CDH13: variants seen among roughly 807,000 people sequenced by gnomAD.
The protein encoded by CDH13 is cadherin-13.
CDH13 carries 24 observed loss-of-function variants against 63.8 expected under a neutral mutation model. The ratio of observed to expected loss-of-function variants is 0.38; its 90% CI spans 0.27 to 0.53. The LOEUF is 0.53. CDH13 is among the 20% of genes least tolerant of loss of function. The pLI is 0.85. For missense variants in CDH13, 1,049 were observed against 903.1 expected, an observed-to-expected ratio of 1.16 and a Z score of -2.07; for synonymous variants, 503 against 355.3, an observed-to-expected ratio of 1.42 and a Z score of -4.67.
At chr16:83,215,271 G>A (rs1446186970) in intron 4 of CDH13, among the ~76,000 whole-genome samples, 3 of 151,530 alleles carry the variant, frequency 2.0e-5, no homozygotes, top group African/African-American at 7.3e-5. Flanking sequence ...TAGAGACGGA[G>A]TTTCACCATG....
chr16:83,101,807 T>C (rs1005527814), intron 3 of CDH13, among the ~76,000 whole-genome samples: 1 of 151,726 alleles, frequency 6.6e-6, no homozygotes, highest in Non-Finnish European at 1.5e-5. Context: ...AAGGAAATAG[T>C]GGGTAGAGTG....
intron 1 of CDH13, among the ~76,000 whole-genome samples, chr16:82,791,186 G>C (rs1371073266): frequency 1.4e-5 from 2 of 145,626 alleles, no homozygotes; most frequent in Non-Finnish European, 3.0e-5. Flanking sequence ...GCCGTGAGCA[G>C]AGATCACGCC....
intron 13 of CDH13, 148 bp from the exon 14 acceptor site, chr16:83,794,875 C>T: frequency 2.7e-6 from 2 of 733,136 alleles, no homozygotes; most frequent in East Asian, 2.7e-5. Context: ...CCAATGTGAT[C>T]CTTAAGGAAA....
At position 83,297,101 on chromosome 16, in the gene CDH13, A is replaced by C. The variant is rs184563002; in HGVS notation, c.637-47761A>C. On this transcript the variant is annotated intron_variant, in intron 5 of 13. Coordinates refer to ENST00000567109, the MANE Select transcript of CDH13 (RefSeq NM_001257.5). ...GCATGGGGGGAGAAGGGTAGGAGAGAGGATGGTCAACAGGTACAAAGCTAC... is the reference window on the plus strand; with the variant it reads ...GCATGGGGGGAGAAGGGTAGGAGAGCGGATGGTCAACAGGTACAAAGCTAC... 9.7e-4 allele frequency among the ~76,000 whole-genome samples: 148 copies of C among 152,262 alleles called. 1 individual carries two copies. Among genetic ancestry groups the C allele is most frequent in the Non-Finnish European group, 1.4e-3 (97 of 68,012 alleles).
chr16:83,312,362 G>T (rs2090019585), intron 5 of CDH13, among the ~76,000 whole-genome samples: 2 of 152,164 alleles, frequency 1.3e-5, no homozygotes, highest in Admixed American at 1.3e-4. Context: ...GCCATATTTT[G>T]CAAATCTAAA....
intron 11 of CDH13, among the ~76,000 whole-genome samples, chr16:83,763,963 G>A (rs1313257285): frequency 6.6e-6 from 1 of 152,136 alleles, no homozygotes; most frequent in Non-Finnish European, 1.5e-5. Context: ...GCTGTGCAAT[G>A]ATAGCCGAGA....
intron 2 of CDH13, among the ~76,000 whole-genome samples, chr16:82,948,412 T>C (rs1215719159): frequency 6.6e-6 from 1 of 152,172 alleles, no homozygotes; most frequent in Non-Finnish European, 1.5e-5. Context: ...TCAATAGATT[T>C]CTCTTCTTCC....
chr16:83,080,710 C>A lies in CDH13; in HGVS notation c.367-44675C>A, dbSNP rs192298849. Among the ~76,000 whole-genome samples the A allele has an allele frequency of 1.7e-3, 255 of 151,952 alleles. 1 individual carries two copies. Among genetic ancestry groups the A allele is most frequent in the African/African-American group, 6.0e-3 (249 of 41,430 alleles). On this transcript the variant is annotated intron_variant, in intron 3 of 13. Coordinates refer to ENST00000567109, the MANE Select transcript of CDH13 (RefSeq NM_001257.5). ...AGTCTTGATCAGAAACAAGTATATCCCTCAGAACATAGAGGCGGCAATGGG... is the reference window on the plus strand; with the variant it reads ...AGTCTTGATCAGAAACAAGTATATCACTCAGAACATAGAGGCGGCAATGGG...
At chr16:83,501,335 C>G (rs1011303868) in intron 7 of CDH13, among the ~76,000 whole-genome samples, 6 of 152,212 alleles carry the variant, frequency 3.9e-5, no homozygotes, top group Admixed American at 1.3e-4. Flanking sequence ...TAGGTATTTT[C>G]TCTCCCGTGT....
At chr16:83,002,660 G>C (rs12929384) in intron 2 of CDH13, among the ~76,000 whole-genome samples, 1 of 152,186 alleles carries the variant, frequency 6.6e-6, no homozygotes, top group Non-Finnish European at 1.5e-5. Flanking sequence ...TAACGAAGCA[G>C]AATAAGCGGG....
chr16:83,254,934 G>A (rs1351010216), intron 5 of CDH13, among the ~76,000 whole-genome samples: 1 of 120,102 alleles, frequency 8.3e-6, no homozygotes, highest in East Asian at 2.4e-4. Flanking sequence ...GCTCTTTCTT[G>A]GATTTTTTCT....
intron 3 of CDH13, among the ~76,000 whole-genome samples, chr16:83,036,577 G>T (rs544754088): frequency 1.3e-5 from 2 of 152,126 alleles, no homozygotes; most frequent in Non-Finnish European, 2.9e-5. Context: ...CAGAATGCCA[G>T]ATTGTCAGGA....
intron 1 of CDH13, among the ~76,000 whole-genome samples, chr16:82,795,767 G>T (rs1348628106): frequency 6.6e-6 from 1 of 152,074 alleles, no homozygotes; most frequent in Non-Finnish European, 1.5e-5. Context: ...AACAATGGCT[G>T]TAGTGGTGCA....
At chr16:82,906,458 C>G (rs376063244) in intron 2 of CDH13, among the ~76,000 whole-genome samples, 3 of 152,098 alleles carry the variant, frequency 2.0e-5, no homozygotes, top group East Asian at 3.9e-4. Flanking sequence ...GTTCTTACTT[C>G]CATGTCCTAA....
intron 5 of CDH13, among the ~76,000 whole-genome samples, chr16:83,243,960 G>T (rs1408084547): frequency 1.3e-5 from 2 of 152,072 alleles, no homozygotes; most frequent in East Asian, 1.9e-4. Flanking sequence ...TCCCATATGG[G>T]TTTATCAGCA....
chr16:82,877,960 C>CACAG (rs1484544279), intron 2 of CDH13, among the ~76,000 whole-genome samples: 1 of 91,132 alleles, frequency 1.1e-5, no homozygotes, highest in African/African-American at 3.9e-5. Context: ...CACACACACA[C>CACAG]ATATACACAC....
intron 7 of CDH13, among the ~76,000 whole-genome samples, chr16:83,535,919 G>A (rs1414473700): frequency 7.7e-5 from 11 of 142,000 alleles, no homozygotes; most frequent in Non-Finnish European, 1.4e-4. Context: ...AAAAAGGAAA[G>A]AAGGAAAGAA....
intron 2 of CDH13, among the ~76,000 whole-genome samples, chr16:82,876,860 A>G (rs1263368449): frequency 6.6e-6 from 1 of 152,220 alleles, no homozygotes; most frequent in Non-Finnish European, 1.5e-5. Context: ...AGGTAGCCCA[A>G]ACAAGGGGAG....
chr16:83,269,070 C>G (rs926502165), intron 5 of CDH13, among the ~76,000 whole-genome samples: 3 of 152,192 alleles, frequency 2.0e-5, no homozygotes, highest in Non-Finnish European at 4.4e-5. Flanking sequence ...GTGTTTTAAA[C>G]AGAAAAACAA....
Sources: allele counts gnomAD v4.1 joint callset (sites outside exome capture counted in the v4.1 genomes callset), GRCh38; gene constraint gnomAD v4.1.1; transcripts MANE v1.5; gene names NCBI Gene and HGNC (gene_info 2026-07-23, HGNC 2026-07-21).